The following GPHN variants were observed in gnomAD, a reference collection of about 807,000 sequenced individuals.
GPHN encodes the protein gephyrin.
Under a neutral mutation model 95.5 loss-of-function variants are expected in GPHN, and 17 were observed. The observed-to-expected ratio is 0.18, with a 90% CI of 0.12 to 0.27. The LOEUF (loss-of-function observed/expected upper bound fraction) is 0.27, where lower values mean the gene tolerates loss of function less well. Ranked by LOEUF, GPHN falls within the 10% of genes least tolerant of loss-of-function variation. The probability of loss-of-function intolerance (pLI) is 1.00; values close to 1 mark genes in which losing one functional copy is unlikely to be tolerated. For synonymous variants in GPHN, 320 were observed against 322.5 expected, an observed-to-expected ratio of 0.99 and a Z score of 0.08; for missense variants, 660 against 978.1, an observed-to-expected ratio of 0.67 and a Z score of 4.34.
the GPHN span, among the ~76,000 whole-genome samples, chr14:67,674,188 C>T: frequency 6.6e-5 from 10 of 152,230 alleles, no homozygotes; most frequent in East Asian, 1.9e-4. Context: ...GGAACTGAAT[C>T]CCGAGGTCCA....
chr14:66,713,362 A>G (rs1238730249), intron 2 of GPHN, among the ~76,000 whole-genome samples: 1 of 152,144 alleles, frequency 6.6e-6, no homozygotes, highest in African/African-American at 2.4e-5. Context: ...TGGCTAGCCA[A>G]TTATCCTAGC....
chr14:66,846,094 A>G (rs1280164414), intron 4 of GPHN, among the ~76,000 whole-genome samples: 1 of 152,212 alleles, frequency 6.6e-6, no homozygotes, highest in African/African-American at 2.4e-5. Context: ...TGATGGACTT[A>G]GGAAAGAAGA....
At chr14:67,587,097 G>T in the GPHN span, 88 of 1,611,486 alleles carry the variant, frequency 5.5e-5, no homozygotes, top group Non-Finnish European at 7.0e-5. Context: ...CCTTCATCAT[G>T]GCCAGCTATA....
At chr14:66,737,323 C>A (rs1389661705) in intron 2 of GPHN, among the ~76,000 whole-genome samples, 2 of 152,054 alleles carry the variant, frequency 1.3e-5, no homozygotes, top group African/African-American at 4.8e-5. Context: ...TTCTCCCATG[C>A]ACATGGGATA....
the GPHN span, among the ~76,000 whole-genome samples, chr14:67,639,261 G>C: frequency 6.6e-6 from 1 of 152,122 alleles, no homozygotes; most frequent in Non-Finnish European, 1.5e-5. Context: ...TTGCATGATT[G>C]GACTTGGGTA....
the GPHN span, among the ~76,000 whole-genome samples, chr14:67,658,855 G>A: frequency 4.9e-3 from 743 of 152,282 alleles, 9 homozygotes; most frequent in African/African-American, 0.017. Flanking sequence ...GCAATGTCAA[G>A]CCAATATCAT....
intron 3 of GPHN, among the ~76,000 whole-genome samples, chr14:66,810,553 G>T (rs1250758963): frequency 6.6e-6 from 1 of 151,888 alleles, no homozygotes; most frequent in Non-Finnish European, 1.5e-5. Context: ...AACTATCACA[G>T]AAATTCTTCT....
chr14:66,728,617 G>C (rs1247606797), intron 2 of GPHN, among the ~76,000 whole-genome samples: 2 of 152,222 alleles, frequency 1.3e-5, no homozygotes, highest in African/African-American at 4.8e-5. Context: ...TTTCAGACTT[G>C]CGTGGGGGCT....
chr14:67,324,897 ATTTT>A, the GPHN span, among the ~76,000 whole-genome samples: 7 of 76,330 alleles, frequency 9.2e-5, no homozygotes, highest in African/African-American at 3.5e-4. Flanking sequence ...CCTTCCTTTC[ATTTT>A]TTTTTTTTTT....
intron 2 of GPHN, among the ~76,000 whole-genome samples, chr14:66,772,834 A>T (rs2059230749): frequency 6.6e-6 from 1 of 152,232 alleles, no homozygotes. Context: ...TATACTTTCA[A>T]ATAAATTTGG....
chr14:67,150,304 A>G (rs1391030114), intron 18 of GPHN, among the ~76,000 whole-genome samples: 6 of 150,474 alleles, frequency 4.0e-5, no homozygotes, highest in Non-Finnish European at 7.4e-5. Context: ...AGCCGGGCGT[A>G]GTGGCGGGCG....
intron 1 of GPHN, among the ~76,000 whole-genome samples, chr14:66,639,811 A>G (rs2064295352): frequency 6.6e-6 from 1 of 152,102 alleles, no homozygotes; most frequent in Non-Finnish European, 1.5e-5. Flanking sequence ...ATTGATTTAT[A>G]AGTTTATACA....
At chr14:67,235,374 T>C in the GPHN span, among the ~76,000 whole-genome samples, 1 of 152,060 alleles carries the variant, frequency 6.6e-6, no homozygotes, top group Admixed American at 6.6e-5. Context: ...CTTTCCTTCA[T>C]TATAAATTTT....
At chr14:66,594,797 C>G (rs1441294924) in intron 1 of GPHN, among the ~76,000 whole-genome samples, 1 of 151,920 alleles carries the variant, frequency 6.6e-6, no homozygotes, top group Non-Finnish European at 1.5e-5. Flanking sequence ...GCACAGACGA[C>G]AAAAGTACAA....
At chr14:67,205,942 G>A in the GPHN span, among the ~76,000 whole-genome samples, 88 of 152,318 alleles carry the variant, frequency 5.8e-4, 1 homozygote, top group East Asian at 0.016. Context: ...CCGGCACTTT[G>A]GGAGGCCAAG....
chr14:66,536,627 A>G (rs1185018611), intron 1 of GPHN, among the ~76,000 whole-genome samples: 1 of 152,152 alleles, frequency 6.6e-6, no homozygotes, highest in East Asian at 1.9e-4. Flanking sequence ...ATAGATTGAT[A>G]CGTTTCATGT....
chr14:67,109,174 C>A (rs558965368), intron 13 of GPHN, among the ~76,000 whole-genome samples: 1 of 152,276 alleles, frequency 6.6e-6, no homozygotes, highest in Admixed American at 6.5e-5. Context: ...ATAGGACCAC[C>A]ATCATATATG....
chr14:66,907,228 A>G (rs889244326), intron 5 of GPHN, among the ~76,000 whole-genome samples: 5 of 152,206 alleles, frequency 3.3e-5, no homozygotes, highest in African/African-American at 7.2e-5. Context: ...CATCCATACA[A>G]TGGACTCTTA....
intron 9 of GPHN, among the ~76,000 whole-genome samples, chr14:66,989,675 C>T (rs961753456): frequency 6.8e-6 from 1 of 146,200 alleles, no homozygotes; most frequent in African/African-American, 2.6e-5. Flanking sequence ...AAAAAAAAAC[C>T]TATCCAAAGG....
Sources: allele counts gnomAD v4.1 joint callset (sites outside exome capture counted in the v4.1 genomes callset), GRCh38; gene constraint gnomAD v4.1.1; transcripts MANE v1.5; gene names NCBI Gene and HGNC (gene_info 2026-07-23, HGNC 2026-07-21).